Variants in ADAMTS7 observed in about 807,000 individuals in gnomAD.
The protein encoded by ADAMTS7 is ADAM metallopeptidase with thrombospondin type 1 motif 7.
A neutral mutation model predicts 172.6 loss-of-function variants in ADAMTS7; 89 were observed. The ratio of observed to expected loss-of-function variants is 0.52; its 90% CI spans 0.43 to 0.61. The LOEUF is 0.61. Ranked by LOEUF, ADAMTS7 falls within the 20% of genes least tolerant of loss-of-function variation. ADAMTS7 has a pLI of 0.00. For synonymous variants in ADAMTS7, 885 were observed against 978.4 expected (o/e 0.90, Z 1.78); for missense variants, 1,973 against 2,355.6 (o/e 0.84, Z 3.36).
At position 78,793,742 on chromosome 15, in the gene ADAMTS7, T is replaced by TA. The variant is rs144242301; in HGVS notation, c.820-2520dup. ...TGGCTCTCAACAAGTCAGTCTTAAA[T>TA]AAACATCTGATCCCGAGGGAACATC... On this transcript the variant is annotated intron_variant, in intron 4 of 23. Transcript: ENST00000388820. Among the ~76,000 whole-genome samples the TA allele has an allele frequency of 1.7e-3, 252 of 152,308 alleles. 1 individual carries two copies. The highest frequency in any genetic ancestry group is 5.9e-3 in the African/African-American group (244 of 41,562).
Position 78,764,101 on chromosome 15 carries a change from T to G in ADAMTS7, c.4420-2A>C. 1 of 1,524,462 alleles carries G rather than the reference T, an allele frequency of 6.6e-7. No homozygotes were observed. The highest frequency in any genetic ancestry group is 1.4e-5 in the African/African-American group (1 of 72,640). The allele number at this position is 1,524,462 out of a possible 1,614,324, so 94.4% of individuals were successfully genotyped here. ...ACCTCCGCCGCAGCTGCGGGAGCAC[T>G]GGGGACCGAGAGACGTGTATGGACA... On this transcript the variant is annotated splice_acceptor_variant, in intron 20 of 23. Coordinates refer to ENST00000388820, the MANE Select transcript of ADAMTS7 (RefSeq NM_014272.5). LOFTEE classifies it high-confidence loss of function.
rs1288992318 is a variant in ADAMTS7 at position 78,766,252 on chromosome 15, TCC to T, written c.3657_3658del (p.Asp1220Ter). 5.6e-6 allele frequency: 9 copies of T among 1,611,498 alleles called. No homozygotes were observed. Among genetic ancestry groups the T allele is most frequent in the African/African-American group, 2.7e-5 (2 of 74,828 alleles). Reference sequence around the variant, plus strand: ...TCCTCGGCCCTTGGGTTCCTCATCATCCTTGAAAACCTCATTGGTCCTGTCCC... The same window carrying T: ...TCCTCGGCCCTTGGGTTCCTCATCATTTGAAAACCTCATTGGTCCTGTCCC... On this transcript the variant is annotated frameshift_variant, in exon 19 of 24. Transcript: ENST00000388820. LOFTEE classifies it high-confidence loss of function.
chr15:78,775,196 C>G (rs1046187206), intron 11 of ADAMTS7, among the ~76,000 whole-genome samples: 2 of 152,220 alleles, frequency 1.3e-5, no homozygotes, highest in African/African-American at 4.8e-5. Flanking sequence ...GCCCATGACA[C>G]CAGCATCCTA....
intron 8 of ADAMTS7, 91 bp downstream of exon 8, chr15:78,788,140 C>T (rs1424790780): frequency 2.5e-5 from 38 of 1,536,928 alleles, no homozygotes; most frequent in Non-Finnish European, 3.2e-5. Flanking sequence ...CTTCCCTCTA[C>T]CCCGGCCCTG....
intron 4 of ADAMTS7, 124 bp downstream of exon 4, chr15:78,796,466 C>T: frequency 9.0e-7 from 1 of 1,115,334 alleles, no homozygotes; most frequent in Non-Finnish European, 1.3e-6. Context: ...TACCCTTCTT[C>T]CTACTTGGGG....
At chr15:78,769,357 G>C (rs753114149) in intron 16 of ADAMTS7, among the ~76,000 whole-genome samples, 91 of 152,236 alleles carry the variant, frequency 6.0e-4, no homozygotes, top group Middle Eastern at 3.4e-3. Flanking sequence ...CCTCCCCTGA[G>C]CTGCCAGTCC....
At chr15:78,778,051 C>T (rs1484562137) in intron 8 of ADAMTS7, among the ~76,000 whole-genome samples, 1 of 152,226 alleles carries the variant, frequency 6.6e-6, no homozygotes, top group African/African-American at 2.4e-5. Context: ...TGTGGAAAGG[C>T]GAGGTCTGGA....
At chr15:78,806,091 AAC>A (rs1216857182) in intron 1 of ADAMTS7, among the ~76,000 whole-genome samples, 307 of 27,414 alleles carry the variant, frequency 0.011, 8 homozygotes, top group Middle Eastern at 0.029. Flanking sequence ...CCCCCCCAAA[AAC>A]ACACACACAC....
chr15:78,806,948 G>A (rs1459509780), intron 1 of ADAMTS7, among the ~76,000 whole-genome samples: 2 of 152,058 alleles, frequency 1.3e-5, no homozygotes, highest in Non-Finnish European at 2.9e-5. Flanking sequence ...TGTATTTTTA[G>A]TAGAGGTAGA....
intron 23 of ADAMTS7, among the ~76,000 whole-genome samples, chr15:78,760,855 C>T (rs983143498): frequency 2.6e-5 from 4 of 152,132 alleles, no homozygotes; most frequent in Admixed American, 2.0e-4. Flanking sequence ...CCCTGCAGCC[C>T]ACTCACACCC....
At chr15:78,804,863 T>C (rs1037533549) in intron 1 of ADAMTS7, among the ~76,000 whole-genome samples, 49 of 152,208 alleles carry the variant, frequency 3.2e-4, no homozygotes, top group Non-Finnish European at 1.5e-4. Context: ...CATCCCAGAC[T>C]CACTAAATCA....
At position 78,766,187 on chromosome 15, in the gene ADAMTS7, G is replaced by T. The variant is rs558087906; in HGVS notation, c.3724C>A (p.Pro1242Thr). ...TGGGTGCTGCCAACAGGGGACAAAGGGGGCAGCGTGGAGCTGGGTCTCGGG... is the reference window on the plus strand; with the variant it reads ...TGGGTGCTGCCAACAGGGGACAAAGTGGGCAGCGTGGAGCTGGGTCTCGGG... ...LPPRPSSTLP[P>T]LSPVGSTHSS... Residue 1242 changes from proline to threonine, a missense_variant, in exon 19 of 24, where the codon CCT (proline) becomes ACT (threonine). By Grantham distance (38) the Pro-to-Thr change is conservative (BLOSUM62 -1). This residue lies in a region of ADAMTS7 where 771 missense variants were observed against 952.6 expected (regional missense o/e 0.81). Transcript: ENST00000388820. 1.2e-4 allele frequency: 187 copies of T among 1,611,622 alleles called. No individual in the cohort carries two copies. The highest frequency in any genetic ancestry group is 2.2e-4 in the Admixed American group (13 of 59,962).
At chr15:78,763,161 G>A (rs1175911348) in intron 22 of ADAMTS7, among the ~76,000 whole-genome samples, 3 of 152,188 alleles carry the variant, frequency 2.0e-5, no homozygotes, top group African/African-American at 7.2e-5. Context: ...AGAAAACAGT[G>A]ACCCAGCAAC....
chr15:78,766,368 A>G lies in ADAMTS7; in HGVS notation c.3543T>C (p.Thr1181=), dbSNP rs566241443. The change falls in exon 19 of 24, where the codon ACT becomes ACC. Residue 1181 remains threonine, a synonymous_variant. Coordinates refer to ENST00000388820, the MANE Select transcript of ADAMTS7 (RefSeq NM_014272.5). Reference sequence around the variant, plus strand: ...GGGTGGCAGGTGTCTGCAGGCCATCAGTGGAAACCCTGGGCCAGGACAGGC... The same window carrying G: ...GGGTGGCAGGTGTCTGCAGGCCATCGGTGGAAACCCTGGGCCAGGACAGGC... ...LPSLSWPRVS[T]DGLQTPATPE... The G allele has an allele frequency of 7.5e-4, 1,214 of 1,610,248 alleles. 12 individuals carry two copies. In the South Asian group the frequency reaches 8.6e-3, roughly 11 times the overall value.
chr15:78,759,570 G>A lies in ADAMTS7; in HGVS notation c.4912C>T (p.Arg1638Trp), dbSNP rs767223275. The A allele has an allele frequency of 8.8e-6, 14 of 1,584,206 alleles. No individual in the cohort carries two copies. Among genetic ancestry groups the A allele is most frequent in the Admixed American group, 5.1e-5 (3 of 58,366 alleles). ...CEPVEPPRCE[R>W]DRLSFGFCET... ...CAGAACCCGAAGGACAGGCGGTCCC[G>A]CTCACAGCCTGGAGTGGGGGGGCAG... The change falls in exon 24 of 24, where the codon CGG becomes TGG. Residue 1638 changes from arginine (R) to tryptophan (W), a missense_variant. Physicochemically the swap from Arg to Trp is moderately radical, Grantham distance 101. This residue lies in a region of ADAMTS7 where 94 missense variants were observed against 95.4 expected (regional missense o/e 0.99). Transcript: ENST00000388820.
At position 78,764,630 on chromosome 15, in the gene ADAMTS7, G is replaced by C; in HGVS notation, c.4344C>G (p.Pro1448=). The C allele has an allele frequency of 6.4e-7, 1 of 1,558,244 alleles. No homozygotes were observed. The highest frequency in any genetic ancestry group is 8.6e-7 in the Non-Finnish European group (1 of 1,160,378). ...CSSGRDEDCA[P]AGRPQPARRC... is the part of the protein sequence containing the mutation. The stretch of plus-strand genomic sequence containing the variant: ...GGCGGGCAGGCTGGGGCCGGCCAGC[G>C]GGGGCGCAGTCCTCATCCCGGCCGG... The change falls in exon 20 of 24, where the codon CCC becomes CCG. Residue 1448 remains proline, a synonymous_variant. Transcript: ENST00000388820.
chr15:78,806,091 A>AACACACACACACACACACAC (rs1216857182), intron 1 of ADAMTS7, among the ~76,000 whole-genome samples: 1 of 27,414 alleles, frequency 3.6e-5, no homozygotes, highest in African/African-American at 1.5e-4. Flanking sequence ...CCCCCCCAAA[A>AACACACACACACACACACAC]ACACACACAC....
chr15:78,762,193 G>C (rs1297370746), intron 23 of ADAMTS7: 1 of 771,338 alleles, frequency 1.3e-6, no homozygotes, highest in South Asian at 5.9e-5. Context: ...TTGTGTGGCC[G>C]GGACTCCCCT....
At position 78,784,004 on chromosome 15, in the gene ADAMTS7, G is replaced by A. The variant is rs186016375; in HGVS notation, c.1322+4227C>T. ...AATGAGAAAGTTTAAGAAATTAAAAGTAGAATGAAAAAAATGAAAATTTTA... is the reference window on the plus strand; with the variant it reads ...AATGAGAAAGTTTAAGAAATTAAAAATAGAATGAAAAAAATGAAAATTTTA... On this transcript the variant is annotated intron_variant, in intron 8 of 23. Coordinates refer to ENST00000388820, the MANE Select transcript of ADAMTS7 (RefSeq NM_014272.5). Among the ~76,000 whole-genome samples, 76 of 152,142 alleles carry A rather than the reference G, an allele frequency of 5.0e-4. 1 individual carries two copies. Among genetic ancestry groups the A allele is most frequent in the Admixed American group, 1.0e-3 (16 of 15,282 alleles).
Sources: allele counts gnomAD v4.1 joint callset (sites outside exome capture counted in the v4.1 genomes callset), GRCh38; gene constraint gnomAD v4.1.1; regional missense constraint gnomAD v4.1.1; transcripts MANE v1.5; gene names NCBI Gene and HGNC (gene_info 2026-07-23, HGNC 2026-07-21).